CFAP70: variants seen among roughly 807,000 people sequenced by gnomAD.
CFAP70 encodes the protein cilia and flagella associated protein 70.
Under a neutral mutation model 137.6 loss-of-function variants are expected in CFAP70, and 81 were observed. The ratio of observed to expected loss-of-function variants is 0.59; its 90% CI spans 0.49 to 0.71. The LOEUF is 0.71. Among genes scored for constraint, CFAP70 ranks in the 30% least tolerant of loss-of-function variants. The probability of loss-of-function intolerance (pLI) is 0.00; values close to 1 mark genes in which losing one functional copy is unlikely to be tolerated. For synonymous variants in CFAP70, 382 were observed against 423.6 expected (o/e 0.90, Z 1.20); for missense variants, 976 against 1,226.7 (o/e 0.80, Z 3.05).
chr10:73,338,971 G>A (rs2052981032), intron 6 of CFAP70, among the ~76,000 whole-genome samples: 1 of 150,596 alleles, frequency 6.6e-6, no homozygotes, highest in Non-Finnish European at 1.5e-5. Context: ...TCAGGCTGGA[G>A]TGCAGTGACA....
rs1014005122 is a variant in CFAP70, at chr10:73,275,269, G to A, written c.2673+177C>T. 4.7e-5 allele frequency: 25 copies of A among 535,990 alleles called. 1 individual carries two copies. The East Asian group carries it at 6.2e-4, about 13-fold the overall frequency. The allele number at this position is 535,990 out of a possible 1,614,324, so 33.2% of individuals were successfully genotyped here. A position where few individuals can be genotyped will look rare whatever the true frequency, so the allele number is the denominator to read the frequency against. On this transcript the variant is annotated intron_variant, in intron 22 of 26. Transcript: ENST00000310715. The surrounding 1 kb of genome is among the most constrained non-coding windows in gnomAD (Gnocchi z 4.0). ...GCTGCGATTACAGTTGTGAGCCACC[G>A]CGCCCAGCCAACTCATGATTACTTA...
intron 12 of CFAP70, among the ~76,000 whole-genome samples, chr10:73,299,877 T>C (rs751141067): frequency 6.0e-5 from 9 of 151,168 alleles, no homozygotes; most frequent in Admixed American, 1.3e-4. Flanking sequence ...AGAAGGGAGG[T>C]GAGGAAGCAG....
chr10:73,354,218 A>G (rs1461544160), intron 2 of CFAP70, among the ~76,000 whole-genome samples: 2 of 152,208 alleles, frequency 1.3e-5, no homozygotes, highest in African/African-American at 4.8e-5. Flanking sequence ...GAATATATGG[A>G]TGTACGTGTG....
At chr10:73,327,192 T>A (rs2051541314) in intron 8 of CFAP70, among the ~76,000 whole-genome samples, 2 of 149,204 alleles carry the variant, frequency 1.3e-5, no homozygotes, top group Non-Finnish European at 3.0e-5. Flanking sequence ...TATACGCAAA[T>A]CAATAAATGT....
At chr10:73,348,639 T>C (rs1445689665) in intron 3 of CFAP70, 118 bp from the exon 4 acceptor site, 5 of 677,564 alleles carry the variant, frequency 7.4e-6, no homozygotes, top group Non-Finnish European at 1.2e-5. Context: ...AACTTGAAAG[T>C]ACAGAAGGCA....
intron 12 of CFAP70, among the ~76,000 whole-genome samples, chr10:73,305,272 C>A (rs1161891715): frequency 6.6e-6 from 1 of 152,164 alleles, no homozygotes; most frequent in Non-Finnish European, 1.5e-5. Context: ...TATCAAATCC[C>A]CAAAGCTGTT....
At chr10:73,289,043 G>A (rs2047957614) in intron 19 of CFAP70, among the ~76,000 whole-genome samples, 1 of 152,030 alleles carries the variant, frequency 6.6e-6, no homozygotes, top group South Asian at 2.1e-4. Flanking sequence ...CTCTCTTACT[G>A]TTTTTTCCTC....
chr10:73,354,593 T>C, intron 2 of CFAP70, 141 bp downstream of exon 2: 1 of 689,838 alleles, frequency 1.4e-6, no homozygotes, highest in East Asian at 2.7e-5. Flanking sequence ...AGATTAAGAC[T>C]AACAATAAGG....
chr10:73,275,589 T>G lies in CFAP70; in HGVS notation c.2530A>C (p.Arg844=), dbSNP rs763182877. 2 of 1,594,076 alleles carry G rather than the reference T, an allele frequency of 1.3e-6. No homozygotes were observed. Among genetic ancestry groups the G allele is most frequent in the South Asian group, 2.3e-5 (2 of 87,210 alleles). Residue 844 remains arginine, a synonymous_variant, in exon 22 of 27, where the codon AGA becomes CGA. Coordinates refer to ENST00000310715, the Ensembl canonical transcript of CFAP70. This position sits in a 1 kb window ranked among gnomAD's most constrained non-coding sequence, Gnocchi z 4.0. Reference sequence around the variant, plus strand: ...CATAACAGCTCATGTGCAAGCACTCTGTGCACATACTGCAAGGATAATCAG... The same window carrying G: ...CATAACAGCTCATGTGCAAGCACTCGGTGCACATACTGCAAGGATAATCAG...
chr10:73,311,945 G>C, intron 10 of CFAP70, 31 bp from the exon 12 acceptor site: 2 of 1,519,334 alleles, frequency 1.3e-6, no homozygotes, highest in Non-Finnish European at 1.8e-6. Context: ...CTCAAAAATT[G>C]AATTCCTACA....
chr10:73,358,478 A>G (rs1488504241), intron 1 of CFAP70, among the ~76,000 whole-genome samples: 1 of 152,236 alleles, frequency 6.6e-6, no homozygotes, highest in African/African-American at 2.4e-5. Flanking sequence ...GAGGCCTCCG[A>G]CGAGAAGCGG....
chr10:73,266,293 G>A (rs559168050), intron 25 of CFAP70, among the ~76,000 whole-genome samples: 135 of 152,114 alleles, frequency 8.9e-4, no homozygotes, highest in African/African-American at 2.9e-3. Context: ...GCTTCCACCC[G>A]TCTCCCTATA....
chr10:73,328,565 G>C (rs1413431177), intron 8 of CFAP70, among the ~76,000 whole-genome samples: 1 of 144,550 alleles, frequency 6.9e-6, no homozygotes, highest in African/African-American at 2.6e-5. Context: ...CTACAAAATG[G>C]GAGAAAATTT....
chr10:73,353,990 T>C (rs1384122256), intron 2 of CFAP70, among the ~76,000 whole-genome samples: 1 of 152,198 alleles, frequency 6.6e-6, no homozygotes, highest in Admixed American at 6.5e-5. Context: ...CACCTAATAA[T>C]AAAAGTATAC....
At chr10:73,303,248 C>CA in intron 12 of CFAP70, among the ~76,000 whole-genome samples, 1 of 151,638 alleles carries the variant, frequency 6.6e-6, no homozygotes, top group African/African-American at 2.4e-5. Context: ...GATGGAGTCT[C>CA]ACTCTGTTGC....
intron 24 of CFAP70, among the ~76,000 whole-genome samples, chr10:73,270,305 C>T (rs1370271955): frequency 6.6e-6 from 1 of 152,068 alleles, no homozygotes; most frequent in East Asian, 1.9e-4. Flanking sequence ...TTGCTGCTTC[C>T]TAAAACTGTG....
At chr10:73,298,669 C>A (rs1194722290) in intron 14 of CFAP70, among the ~76,000 whole-genome samples, 1 of 152,070 alleles carries the variant, frequency 6.6e-6, no homozygotes, top group African/African-American at 2.4e-5. Flanking sequence ...TCTGGCCCAG[C>A]CTCAAGTGAA....
chr10:73,353,829 A>C (rs2054467451), intron 2 of CFAP70, 87 bp from the exon 3 acceptor site: 4 of 1,293,272 alleles, frequency 3.1e-6, no homozygotes, highest in African/African-American at 1.5e-5. Context: ...TTTGGGCTAA[A>C]TAGCATTTTT....
At chr10:73,309,704 C>A (rs963111928) in intron 12 of CFAP70, among the ~76,000 whole-genome samples, 1 of 146,980 alleles carries the variant, frequency 6.8e-6, no homozygotes, top group African/African-American at 2.6e-5. Flanking sequence ...TCTCTCAGGC[C>A]GGAGTGCAGT....
Sources: gnomAD v4.1 joint callset for allele counts (sites outside exome capture counted in the v4.1 genomes callset) on GRCh38, gnomAD v4.1.1 for gene constraint, Gnocchi (gnomAD v3.1) non-coding constraint, MANE v1.5 for transcripts, NCBI Gene and HGNC (gene_info 2026-07-23, HGNC 2026-07-21) for gene names.